COL6A5: variants seen among roughly 807,000 people sequenced by gnomAD.
The protein encoded by COL6A5 is collagen type VI alpha 5 chain, also known as collagen alpha-5(VI) chain.
COL6A5 carries 48 observed loss-of-function variants against 65.6 expected under a neutral mutation model. That is an observed-to-expected ratio of 0.73 (90% CI 0.58 to 0.93). COL6A5 has a LOEUF of 0.93. Ranked by LOEUF, COL6A5 falls within the 40% of genes least tolerant of loss-of-function variation. COL6A5 has a pLI of 0.00. For synonymous variants in COL6A5, 291 were observed against 322.8 expected (o/e 0.90, Z 1.05); for missense variants, 914 against 928.3 (o/e 0.98, Z 0.20).
At chr3:130,365,639 T>C (rs1167565484) in intron 1 of COL6A5, among the ~76,000 whole-genome samples, 5 of 152,226 alleles carry the variant, frequency 3.3e-5, no homozygotes, top group African/African-American at 7.2e-5. Context: ...ATAGCTGTTA[T>C]TGACCACAAC....
intron 7 of COL6A5, among the ~76,000 whole-genome samples, chr3:130,394,454 C>T (rs1405878416): frequency 1.3e-5 from 2 of 152,072 alleles, no homozygotes; most frequent in African/African-American, 2.4e-5. Context: ...AAATGCTACT[C>T]CTCAATATGA....
In COL6A5 at chr3:130,418,935, T is replaced by TA. The variant is rs1166506571; in HGVS notation, c.4950+4_4950+5insA. 5 of 1,550,050 alleles carry TA rather than the reference T, an allele frequency of 3.2e-6. No individual in the cohort carries two copies. In the African/African-American group the frequency reaches 5.5e-5, roughly 17 times the overall value. On this transcript the variant is annotated splice_donor_region_variant and intron_variant and NMD_transcript_variant, in intron 25 of 41. Coordinates refer to the COL6A5 transcript ENST00000312481. Reference sequence around the variant, plus strand: ...AACTGGGCAGCGAGGAAGACAGGTATGAAGTTTTGAAGTCCCTACCCTCCC... The same window carrying TA: ...AACTGGGCAGCGAGGAAGACAGGTATAGAAGTTTTGAAGTCCCTACCCTCCC...
intron 24 of COL6A5, 113 bp from the exon 25 acceptor site, chr3:130,418,756 C>A: frequency 1.3e-6 from 1 of 774,992 alleles, no homozygotes; most frequent in Non-Finnish European, 2.3e-6. Context: ...CCTTAGTGAG[C>A]ACTGACCCCT....
chr3:130,413,207 A>G (rs1194122549), intron 20 of COL6A5, among the ~76,000 whole-genome samples: 1 of 147,438 alleles, frequency 6.8e-6, no homozygotes, highest in Non-Finnish European at 1.5e-5. Context: ...TGATTAGCAG[A>G]CAGTGCTTTT....
At chr3:130,443,338 G>C (rs1709229830) in intron 3 of COL6A5, 138 bp from the exon 36 acceptor site, 3 of 598,458 alleles carry the variant, frequency 5.0e-6, no homozygotes, top group South Asian at 4.8e-5. Flanking sequence ...GCTGTTTTCT[G>C]TTTTCACCCC....
chr3:130,390,548 AGGAGGGT>A (rs1187383623), intron 6 of COL6A5, among the ~76,000 whole-genome samples: 7 of 152,248 alleles, frequency 4.6e-5, no homozygotes, highest in Middle Eastern at 3.4e-3. Flanking sequence ...TACAATGTGG[AGGAGGGT>A]TTGGGGTCAG....
chr3:130,377,494 T>C (rs1260747470), intron 3 of COL6A5, among the ~76,000 whole-genome samples: 1 of 152,218 alleles, frequency 6.6e-6, no homozygotes, highest in African/African-American at 2.4e-5. Flanking sequence ...AATGAGACAC[T>C]ATTAGTACAT....
chr3:130,371,804 TAAAAC>T lies in COL6A5; in HGVS notation c.-28-1802_-28-1798del, dbSNP rs529442818. On this transcript the variant is annotated intron_variant and NMD_transcript_variant, in intron 1 of 41. Coordinates refer to the COL6A5 transcript ENST00000312481. ...GACACTAAAAGCACTAGGAACAAAA[TAAAAC>T]AAAAAACCTCATATAAATTGGACTT... 2.6e-4 allele frequency among the ~76,000 whole-genome samples: 40 copies of T among 151,988 alleles called. No homozygotes were observed. The East Asian group carries it at 6.6e-3, about 25-fold the overall frequency.
intron 1 of COL6A5, among the ~76,000 whole-genome samples, chr3:130,349,304 G>A (rs1559850989): frequency 6.6e-6 from 1 of 152,222 alleles, no homozygotes; most frequent in Non-Finnish European, 1.5e-5. Flanking sequence ...GTAGTGCAAT[G>A]GAAGAACACC....
In COL6A5 at chr3:130,443,784, A is replaced by G. The variant is rs573228688; in HGVS notation, c.1332+218A>G. ...TAATTACAATTTTGCCTTTAAATTC[A>G]TGGTTTCTTCAGAAATTCCTGTATT... On this transcript the variant is annotated intron_variant, in intron 4 of 7. Coordinates refer to ENST00000512836, the Ensembl canonical transcript of COL6A5. 1.3e-3 allele frequency among the ~76,000 whole-genome samples: 198 copies of G among 152,268 alleles called. 1 individual carries two copies. The highest frequency in any genetic ancestry group is 8.7e-3 in the South Asian group (42 of 4,818).
rs535187924 is a variant in COL6A5 at position 130,443,411 on chromosome 3, T to A, written c.1242-65T>A. ...GCTTCAAGAGGATTCCTGTTGGGATTCTCTTTACCTAGGAAACATCATTTC... is the reference window on the plus strand; with the variant it reads ...GCTTCAAGAGGATTCCTGTTGGGATACTCTTTACCTAGGAAACATCATTTC... On this transcript the variant is annotated intron_variant, in intron 3 of 7. Transcript: ENST00000512836. 282 of 1,215,732 alleles carry A rather than the reference T, an allele frequency of 2.3e-4. 3 individuals carry two copies. The African/African-American group carries it at 3.7e-3, about 16-fold the overall frequency. 75.3% of individuals were successfully genotyped at this position (1,215,732 alleles called of 1,614,324 possible).
chr3:130,352,836 G>A (rs1934774095), intron 1 of COL6A5, among the ~76,000 whole-genome samples: 1 of 152,206 alleles, frequency 6.6e-6, no homozygotes, highest in Admixed American at 6.5e-5. Flanking sequence ...GCAGGGTGAT[G>A]ATTTAAGAGC....
chr3:130,388,016 C>T (rs1936259963), intron 5 of COL6A5, among the ~76,000 whole-genome samples: 1 of 151,740 alleles, frequency 6.6e-6, no homozygotes. Flanking sequence ...AAGGAACAGT[C>T]CATGTTGAAT....
At chr3:130,374,091 T>A (rs1318882622) in intron 2 of COL6A5, among the ~76,000 whole-genome samples, 1 of 152,182 alleles carries the variant, frequency 6.6e-6, no homozygotes, top group Non-Finnish European at 1.5e-5. Flanking sequence ...CTTCCTTTCC[T>A]TTTACAAGCA....
At chr3:130,432,380 T>C (rs891378359) in intron 1 of COL6A5, among the ~76,000 whole-genome samples, 12 of 151,964 alleles carry the variant, frequency 7.9e-5, no homozygotes, top group Non-Finnish European at 1.6e-4. Flanking sequence ...TGGTGAAACT[T>C]CATCTCTACT....
intron 18 of COL6A5, 118 bp downstream of exon 18, chr3:130,409,506 T>G: frequency 7.4e-6 from 6 of 807,806 alleles, no homozygotes; most frequent in Non-Finnish European, 1.1e-5. Flanking sequence ...GGAGTAGGGG[T>G]GATAGGTGTT....
rs548961956 is a variant in COL6A5, at chr3:130,364,273, A to G, written c.-28-9338A>G. ...CCCCACATCTTAGAAATAAATGCAT[A>G]TGACATTTTAAAAAATTGGGATCAT... is the stretch of plus-strand genomic sequence containing the variant. On this transcript the variant is annotated intron_variant and NMD_transcript_variant, in intron 1 of 41. Transcript: ENST00000312481. Among the ~76,000 whole-genome samples, 4 of 152,268 alleles carry G rather than the reference A, an allele frequency of 2.6e-5. No homozygotes were observed. The South Asian group carries it at 6.2e-4, about 24-fold the overall frequency.
intron 1 of COL6A5, among the ~76,000 whole-genome samples, chr3:130,354,994 A>G (rs1454663754): frequency 2.6e-5 from 4 of 152,178 alleles, no homozygotes; most frequent in African/African-American, 9.7e-5. Flanking sequence ...ATACATAGAA[A>G]TTGTAATACT....
intron 7 of COL6A5, among the ~76,000 whole-genome samples, chr3:130,472,832 CATATATATAT>C (rs10654631): frequency 2.9e-4 from 29 of 99,392 alleles, no homozygotes; most frequent in African/African-American, 7.9e-4. Flanking sequence ...TGTGTGTATA[CATATATATAT>C]ATATATATAT....
Sources: allele counts gnomAD v4.1 joint callset (sites outside exome capture counted in the v4.1 genomes callset), GRCh38; gene constraint gnomAD v4.1.1; transcripts MANE v1.5; gene names NCBI Gene and HGNC (gene_info 2026-07-23, HGNC 2026-07-21).